The following KIAA1217 variants were observed in gnomAD, a reference collection of about 807,000 sequenced individuals.
KIAA1217 encodes the protein KIAA1217.
A neutral mutation model predicts 163.9 loss-of-function variants in KIAA1217; 88 were observed. The ratio of observed to expected loss-of-function variants is 0.54; its 90% confidence interval spans 0.45 to 0.64. KIAA1217 has a LOEUF of 0.64. Ranked by LOEUF, KIAA1217 falls within the 30% of genes least tolerant of loss-of-function variation. The probability of loss-of-function intolerance (pLI) is 0.00; values close to 1 mark genes in which losing one functional copy is unlikely to be tolerated. For synonymous variants in KIAA1217, 903 were observed against 923.1 expected (o/e 0.98, Z 0.39); for missense variants, 2,372 against 2,475.0 (o/e 0.96, Z 0.88).
chr10:24,535,336 A>G (rs541130981), intron 16 of KIAA1217, among the ~76,000 whole-genome samples: 1 of 152,208 alleles, frequency 6.6e-6, no homozygotes, highest in Non-Finnish European at 1.5e-5. Flanking sequence ...GTCCCTCATC[A>G]GCCACCTTCA....
intron 10 of KIAA1217, among the ~76,000 whole-genome samples, chr10:24,519,835 C>T (rs2070803764): frequency 6.6e-6 from 1 of 152,124 alleles, no homozygotes; most frequent in Non-Finnish European, 1.5e-5. Flanking sequence ...GCATCAGCAC[C>T]ACTGAATAAA....
At chr10:24,180,022 G>A (rs899153676) in intron 2 of KIAA1217, among the ~76,000 whole-genome samples, 1 of 152,170 alleles carries the variant, frequency 6.6e-6, no homozygotes, top group Admixed American at 6.5e-5. Context: ...GCAGACTCAA[G>A]TTATTACAAT....
rs1314139359 is a variant in KIAA1217, at chr10:23,790,263, G to GCATATACA, written c.-321+95034_-321+95035insACACATAT. Among the ~76,000 whole-genome samples the GCATATACA allele has an allele frequency of 5.1e-3, 521 of 102,010 alleles. 253 individuals are homozygous for GCATATACA. Among genetic ancestry groups the GCATATACA allele is most frequent in the Non-Finnish European group, 7.9e-3 (403 of 51,194 alleles). The allele number at this position is 102,010 out of a possible 152,430, so 66.9% of individuals were successfully genotyped here. On this transcript the variant is annotated intron_variant, in intron 1 of 18. Coordinates refer to the KIAA1217 transcript ENST00000376462. ...TATGCACATATGCATATGCACATAT[G>GCATATACA]CATATGCACATATGCATATGCACAT... is the stretch of plus-strand genomic sequence containing the variant.
rs1491525429 is a variant in KIAA1217, at chr10:23,790,544, C to CATATATACATATGT, written c.-321+95312_-321+95325dup. ...ATATACATATATACATATACATGTG[C>CATATATACATATGT]ATATATACATATGTACATATGTATA... is the stretch of plus-strand genomic sequence containing the variant. On this transcript the variant is annotated intron_variant, in intron 1 of 18. Coordinates refer to the KIAA1217 transcript ENST00000376462. Among the ~76,000 whole-genome samples the CATATATACATATGT allele has an allele frequency of 1.1e-4, 10 of 93,562 alleles. 2 individuals carry two copies. The highest frequency in any genetic ancestry group is 8.2e-4 in the African/African-American group (10 of 12,232). 61.4% of individuals were successfully genotyped at this position (93,562 alleles called of 152,430 possible).
chr10:24,293,825 T>C (rs2079371141), intron 2 of KIAA1217, among the ~76,000 whole-genome samples: 1 of 152,140 alleles, frequency 6.6e-6, no homozygotes, highest in Non-Finnish European at 1.5e-5. Flanking sequence ...ACAGATAGAG[T>C]GCAGAAACCC....
chr10:24,310,479 G>A (rs2042561180), intron 2 of KIAA1217, among the ~76,000 whole-genome samples: 1 of 152,198 alleles, frequency 6.6e-6, no homozygotes, highest in Non-Finnish European at 1.5e-5. Flanking sequence ...GAACCCCAGA[G>A]TTTTTATTTT....
At chr10:24,322,209 C>T (rs1472914056) in intron 2 of KIAA1217, among the ~76,000 whole-genome samples, 1 of 152,182 alleles carries the variant, frequency 6.6e-6, no homozygotes, top group African/African-American at 2.4e-5. Flanking sequence ...CCGCCTCAGC[C>T]TCCCAAAGTG....
intron 2 of KIAA1217, among the ~76,000 whole-genome samples, chr10:24,268,789 G>GCA (rs1437156714): frequency 1.6e-5 from 2 of 127,434 alleles, no homozygotes; most frequent in African/African-American, 6.2e-5. Context: ...ATTCACAATA[G>GCA]CAAAGACTTG....
chr10:24,016,686 T>A (rs1417109703), intron 2 of KIAA1217, among the ~76,000 whole-genome samples: 1 of 152,146 alleles, frequency 6.6e-6, no homozygotes, highest in Non-Finnish European at 1.5e-5. Flanking sequence ...GTTTGGATCT[T>A]GTGTTCATTA....
At chr10:24,292,060 A>G (rs554279013) in intron 2 of KIAA1217, among the ~76,000 whole-genome samples, 20 of 152,318 alleles carry the variant, frequency 1.3e-4, no homozygotes, top group African/African-American at 4.8e-4. Context: ...TCTTCAACAG[A>G]GATATTTGGA....
At chr10:24,521,681 C>T in intron 11 of KIAA1217, 101 bp from the exon 12 acceptor site, 1 of 1,414,794 alleles carries the variant, frequency 7.1e-7, no homozygotes, top group Non-Finnish European at 9.6e-7. Flanking sequence ...CACCCTGTGG[C>T]TTGTGAACTC....
At chr10:23,941,354 A>G (rs1032556968) in intron 1 of KIAA1217, among the ~76,000 whole-genome samples, 3 of 152,220 alleles carry the variant, frequency 2.0e-5, no homozygotes, top group African/African-American at 7.2e-5. Context: ...TAGCAAGTAT[A>G]ACTCTTAGCA....
In KIAA1217 at chr10:23,747,827, C is replaced by G. The variant is rs149562516; in HGVS notation, c.-321+52593C>G. Among the ~76,000 whole-genome samples, 764 of 152,306 alleles carry G rather than the reference C, an allele frequency of 5.0e-3. 5 individuals carry two copies. Among genetic ancestry groups the G allele is most frequent in the Middle Eastern group, 0.017 (5 of 292 alleles). On this transcript the variant is annotated intron_variant, in intron 1 of 18. Coordinates refer to the KIAA1217 transcript ENST00000376462. ...TGTGACTGATACGTGATGAATCCAT[C>G]TCCATGTTTCCTGCTGCTGCCCTAC...
At chr10:23,970,138 C>A (rs1439678377) in intron 1 of KIAA1217, among the ~76,000 whole-genome samples, 1 of 152,134 alleles carries the variant, frequency 6.6e-6, no homozygotes, top group Non-Finnish European at 1.5e-5. Flanking sequence ...CACAGCCAAA[C>A]CATATCACCA....
chr10:23,937,810 G>A (rs1318591502), intron 1 of KIAA1217, among the ~76,000 whole-genome samples: 1 of 152,154 alleles, frequency 6.6e-6, no homozygotes, highest in Non-Finnish European at 1.5e-5. Context: ...CAGACATTGG[G>A]GAGCAAGCAA....
chr10:23,873,649 C>T (rs2131169073), intron 1 of KIAA1217, among the ~76,000 whole-genome samples: 1 of 151,994 alleles, frequency 6.6e-6, no homozygotes, highest in African/African-American at 2.4e-5. Context: ...CAAGGAGAGG[C>T]CCATTGCTGT....
intron 1 of KIAA1217, among the ~76,000 whole-genome samples, chr10:23,824,658 A>AAAAAAAAAAAAAAAAAT (rs1837805755): frequency 1.9e-5 from 1 of 53,040 alleles, no homozygotes; most frequent in African/African-American, 6.5e-5. Context: ...AAATAAAAAA[A>AAAAAAAAAAAAAAAAAT]ATATATATAT....
chr10:23,937,454 C>G (rs1301557049), intron 1 of KIAA1217, among the ~76,000 whole-genome samples: 3 of 152,158 alleles, frequency 2.0e-5, no homozygotes, highest in Non-Finnish European at 4.4e-5. Context: ...TACTTGTCTT[C>G]CTTCCAGATT....
chr10:24,479,759 A>G (rs1489636785), intron 6 of KIAA1217, among the ~76,000 whole-genome samples: 1 of 152,220 alleles, frequency 6.6e-6, no homozygotes, highest in Non-Finnish European at 1.5e-5. Flanking sequence ...ATGGCAGAGA[A>G]GGTCAAGGGA....
Sources: gnomAD v4.1 joint callset for allele counts (sites outside exome capture counted in the v4.1 genomes callset) on GRCh38, gnomAD v4.1.1 for gene constraint, MANE v1.5 for transcripts, NCBI Gene and HGNC (gene_info 2026-07-23, HGNC 2026-07-21) for gene names.